SYTL3: variants seen among roughly 807,000 people sequenced by gnomAD.
SYTL3 encodes synaptotagmin like 3.
A neutral mutation model predicts 82.1 loss-of-function variants in SYTL3; 88 were observed. The observed-to-expected ratio is 1.07, with a 90% CI of 0.90 to 1.28. The LOEUF (loss-of-function observed/expected upper bound fraction) is 1.28. SYTL3 is among the 50% of genes most tolerant of loss of function. The pLI, the probability that SYTL3 is intolerant of heterozygous loss-of-function variation, is 0.00. For missense variants in SYTL3, 831 were observed against 757.6 expected, an observed-to-expected ratio of 1.10 and a Z score of -1.14; for synonymous variants, 311 against 289.4, an observed-to-expected ratio of 1.07 and a Z score of -0.76.
At chr6:158,717,327 T>C (rs1783543823) in intron 9 of SYTL3, among the ~76,000 whole-genome samples, 1 of 152,072 alleles carries the variant, frequency 6.6e-6, no homozygotes, top group Non-Finnish European at 1.5e-5. Flanking sequence ...TTTTTAACTT[T>C]TTAAATATGG....
intron 11 of SYTL3, among the ~76,000 whole-genome samples, chr6:158,735,614 A>G (rs1786037885): frequency 6.6e-6 from 1 of 152,196 alleles, no homozygotes; most frequent in African/African-American, 2.4e-5. Context: ...TCTCTGAGAA[A>G]CAAGGATCGG....
At chr6:158,691,903 G>C (rs1299359469) in intron 6 of SYTL3, among the ~76,000 whole-genome samples, 6 of 147,738 alleles carry the variant, frequency 4.1e-5, no homozygotes, top group African/African-American at 1.3e-4. Flanking sequence ...GGCCCGCCTC[G>C]GCCTCCCAAA....
chr6:158,727,701 T>TTTTTTTTTTTTTTTG (rs1784911416), intron 11 of SYTL3, among the ~76,000 whole-genome samples: 2 of 148,256 alleles, frequency 1.3e-5, no homozygotes, highest in Non-Finnish European at 1.5e-5. Flanking sequence ...TTTTTTTTTT[T>TTTTTTTTTTTTTTTG]GAGATGAAGT....
At chr6:158,711,281 T>G (rs1001662787) in intron 8 of SYTL3, among the ~76,000 whole-genome samples, 1 of 152,206 alleles carries the variant, frequency 6.6e-6, no homozygotes, top group African/African-American at 2.4e-5. Flanking sequence ...TTCTGTTGTG[T>G]TGTGAGGAAT....
intron 5 of SYTL3, among the ~76,000 whole-genome samples, chr6:158,666,905 C>T (rs1010588160): frequency 2.4e-4 from 36 of 152,230 alleles, no homozygotes; most frequent in South Asian, 4.1e-4. Flanking sequence ...CCAAGTCGCA[C>T]GGACGGTGGC....
Position 158,718,165 on chromosome 6 carries a change from C to G in SYTL3, c.674C>G (p.Thr225Arg). ...GGCCCCAGGCAGTGTGTGGGACAGA[C>G]AGAGAGACGGAGCCAGTCTGACACT... ...ATGPRQCVGQTERRSQSDTAV... is the reference protein window; with the variant it reads ...ATGPRQCVGQRERRSQSDTAV... Residue 225 changes from threonine to arginine, a missense_variant, in exon 10 of 18, where the codon ACA (threonine) becomes AGA (arginine). Thr to Arg is a moderately conservative substitution (Grantham distance 71). Coordinates refer to ENST00000611299, the MANE Select transcript of SYTL3 (RefSeq NM_001242394.2). 1.9e-6 allele frequency: 3 copies of G among 1,545,714 alleles called. No individual in the cohort carries two copies. The highest frequency in any genetic ancestry group is 2.5e-5 in the East Asian group (1 of 40,384).
intron 10 of SYTL3, among the ~76,000 whole-genome samples, chr6:158,721,040 A>G (rs374793300): frequency 1.3e-5 from 2 of 152,304 alleles, no homozygotes. Context: ...AAGGGAGCTC[A>G]GGGATAGAAG....
chr6:158,731,809 G>T (rs1024224966), intron 11 of SYTL3, among the ~76,000 whole-genome samples: 2 of 152,194 alleles, frequency 1.3e-5, no homozygotes, highest in African/African-American at 4.8e-5. Context: ...TAGCCAGGAT[G>T]ATCTTGATCT....
At chr6:158,684,649 C>T (rs946295868) in intron 6 of SYTL3, among the ~76,000 whole-genome samples, 6 of 152,032 alleles carry the variant, frequency 3.9e-5, no homozygotes, top group African/African-American at 1.4e-4. Flanking sequence ...TGGCAATTTG[C>T]AGGTAGGGAA....
rs1562393508 is a variant in SYTL3 at position 158,701,255 on chromosome 6, T to TCTAGGGGAG, written c.395-5975_395-5974insCTAGGGGAG. Reference sequence around the variant, plus strand: ...GAGCTGGGGTGTAGATGAAGGAGTGTGAGCTGGGGTGTAGATGAAGGAGTG... The same window carrying TCTAGGGGAG: ...GAGCTGGGGTGTAGATGAAGGAGTGTCTAGGGGAGGAGCTGGGGTGTAGATGAAGGAGTG... On this transcript the variant is annotated intron_variant, in intron 6 of 17. Transcript: ENST00000611299. Among the ~76,000 whole-genome samples the TCTAGGGGAG allele has an allele frequency of 6.7e-3, 49 of 7,330 alleles. 2 individuals carry two copies. Among genetic ancestry groups the TCTAGGGGAG allele is most frequent in the South Asian group, 0.017 (2 of 118 alleles). 4.8% of individuals were successfully genotyped at this position (7,330 alleles called of 152,430 possible).
intron 5 of SYTL3, among the ~76,000 whole-genome samples, chr6:158,668,688 G>C (rs80275897): frequency 0.014 from 2,080 of 152,302 alleles, 32 homozygotes; most frequent in East Asian, 0.03. Context: ...AGAGCAATCT[G>C]AGAGTTGCTG....
chr6:158,715,058 C>T (rs1783197277), intron 9 of SYTL3, among the ~76,000 whole-genome samples: 1 of 152,162 alleles, frequency 6.6e-6, no homozygotes, highest in Non-Finnish European at 1.5e-5. Flanking sequence ...CTGACAGTAA[C>T]CCCTGCTCTG....
chr6:158,665,726 G>A, intron 5 of SYTL3, 113 bp downstream of exon 5: 2 of 736,118 alleles, frequency 2.7e-6, no homozygotes, highest in Non-Finnish European at 2.2e-6. Context: ...CAGTAAATGT[G>A]TACCGAGTGC....
At chr6:158,743,845 G>C (rs900065381) in intron 11 of SYTL3, among the ~76,000 whole-genome samples, 2 of 152,060 alleles carry the variant, frequency 1.3e-5, no homozygotes, top group Non-Finnish European at 2.9e-5. Flanking sequence ...ACTGGATGTG[G>C]TGAAGCTTGT....
chr6:158,671,507 G>A (rs1345439022), intron 5 of SYTL3, among the ~76,000 whole-genome samples: 2 of 152,160 alleles, frequency 1.3e-5, no homozygotes, highest in Admixed American at 1.3e-4. Context: ...GCTCATGCCT[G>A]TAATCCCATC....
chr6:158,745,562 C>G lies in SYTL3; in HGVS notation c.938C>G (p.Ala313Gly). ...AATGTCACTGGAGAAATAGAATTTGCCATTCATTATTGCTTCAAAACCCAT... is the reference window on the plus strand; with the variant it reads ...AATGTCACTGGAGAAATAGAATTTGGCATTCATTATTGCTTCAAAACCCAT... ...NANVTGEIEF[A>G]IHYCFKTHSL... The change falls in exon 12 of 18, where the codon GCC (alanine) becomes GGC (glycine). Residue 313 changes from alanine to glycine, a missense_variant. Coordinates refer to ENST00000611299, the MANE Select transcript of SYTL3 (RefSeq NM_001242394.2). 1 of 1,613,630 alleles carries G rather than the reference C, an allele frequency of 6.2e-7. No homozygotes were observed.
At chr6:158,645,806 A>C (rs781343268), upstream of SYTL3, among the ~76,000 whole-genome samples, 2 of 152,154 alleles carry the variant, frequency 1.3e-5, no homozygotes, top group Admixed American at 6.5e-5. Context: ...AATAGTTACT[A>C]AGTTGTCAGA....
intron 3 of SYTL3, among the ~76,000 whole-genome samples, 198 bp from the exon 4 acceptor site, chr6:158,662,552 T>C (rs1789507378): frequency 6.6e-6 from 1 of 152,234 alleles, no homozygotes; most frequent in Non-Finnish European, 1.5e-5. Context: ...GGAATCCATA[T>C]TAGGAAAATT....
intron 11 of SYTL3, among the ~76,000 whole-genome samples, chr6:158,739,655 G>A (rs1371299986): frequency 1.3e-5 from 2 of 151,876 alleles, no homozygotes; most frequent in East Asian, 1.9e-4. Context: ...GAATGCAGTG[G>A]CACAGCCCTA....
Sources: gnomAD v4.1 joint callset for allele counts (sites outside exome capture counted in the v4.1 genomes callset) on GRCh38, gnomAD v4.1.1 for gene constraint, MANE v1.5 for transcripts, NCBI Gene and HGNC (gene_info 2026-07-23, HGNC 2026-07-21) for gene names.